Variants in C12orf42 observed in about 807,000 individuals in gnomAD.
C12orf42 encodes chromosome 12 open reading frame 42.
Under a neutral mutation model 21.6 loss-of-function variants are expected in C12orf42, and 25 were observed. The observed-to-expected ratio is 1.16, with a 90% CI of 0.84 to 1.62. The LOEUF is 1.62. Among genes scored for constraint, C12orf42 ranks in the 40% most tolerant of loss-of-function variants. The pLI is 0.00. For missense variants in C12orf42, 483 were observed against 459.3 expected (o/e 1.05, Z -0.47); for synonymous variants, 174 against 175.0 (o/e 0.99, Z 0.05).
the C12orf42 span, among the ~76,000 whole-genome samples, chr12:103,154,025 C>CAAAA: frequency 0.011 from 579 of 51,010 alleles, 2 homozygotes; most frequent in Non-Finnish European, 0.015. Context: ...CAAATCTCAG[C>CAAAA]AAAAAAAAAA....
chr12:103,531,360 T>C, the C12orf42 span, among the ~76,000 whole-genome samples: 1 of 152,334 alleles, frequency 6.6e-6, no homozygotes, highest in African/African-American at 2.4e-5. Context: ...ATTGTGCATG[T>C]GGTAAGAAAG....
intron 10 of C12orf42, among the ~76,000 whole-genome samples, chr12:103,255,130 T>C (rs2034496812): frequency 6.6e-6 from 1 of 152,110 alleles, no homozygotes; most frequent in South Asian, 2.1e-4. Context: ...CCCAGCACTT[T>C]GGGAGGCTAA....
rs377065503 is a variant in C12orf42 at position 103,359,737 on chromosome 12, TTTAG to T, written c.259+9146_259+9149del. 5.7e-3 allele frequency among the ~76,000 whole-genome samples: 862 copies of T among 152,116 alleles called. 5 individuals are homozygous for T. Among genetic ancestry groups the T allele is most frequent in the African/African-American group, 0.018 (750 of 41,538 alleles). ...CTGTAATAATCTTGCTTATTTATTA[TTTAG>T]TTATTAATTGTTGCCTTCCTCAAAA... On this transcript the variant is annotated intron_variant, in intron 4 of 5. Transcript: ENST00000548883.
rs560262865 is a variant in C12orf42 at position 103,275,792 on chromosome 12, T to A, written n.398+1358A>T. ...AAACAAGACAGACAAACTTTTTTTT[T>A]AAAATCCATTTCATTGGCTGGGCAC... On this transcript the variant is annotated intron_variant and non_coding_transcript_variant, in intron 5 of 6. Transcript: ENST00000546526. Among the ~76,000 whole-genome samples, 575 of 152,114 alleles carry A rather than the reference T, an allele frequency of 3.8e-3. 1 individual carries two copies. The highest frequency in any genetic ancestry group is 6.3e-3 in the Non-Finnish European group (431 of 67,982).
intron 2 of C12orf42, among the ~76,000 whole-genome samples, chr12:103,422,450 AG>A (rs2139147095): frequency 6.6e-6 from 1 of 152,354 alleles, no homozygotes; most frequent in Non-Finnish European, 1.5e-5. Flanking sequence ...CACACGCCAC[AG>A]AGGAAAAGTG....
In C12orf42 at chr12:103,374,492, T is replaced by C. The variant is rs183006693; in HGVS notation, c.148-5494A>G. ...GAATTACTTCTCTGGTAAGCTAGCT[T>C]GAGCTGGATAAGCTGTAATTTCTTG... On this transcript the variant is annotated intron_variant, in intron 3 of 5. Coordinates refer to ENST00000548883, the MANE Select transcript of C12orf42 (RefSeq NM_198521.5). Among the ~76,000 whole-genome samples, 17 of 152,272 alleles carry C rather than the reference T, an allele frequency of 1.1e-4. 1 individual carries two copies. Among genetic ancestry groups the C allele is most frequent in the Non-Finnish European group, 4.4e-5 (3 of 68,018 alleles).
the C12orf42 span, among the ~76,000 whole-genome samples, chr12:103,131,908 G>A: frequency 9.8e-4 from 149 of 152,198 alleles, no homozygotes; most frequent in African/African-American, 3.5e-3. Context: ...TGATGGTAGT[G>A]GTAGCGAAGG....
the C12orf42 span, among the ~76,000 whole-genome samples, chr12:103,125,447 A>G: frequency 3.9e-5 from 6 of 152,198 alleles, no homozygotes; most frequent in African/African-American, 1.4e-4. Flanking sequence ...TGCAAGAACA[A>G]TTGAAGAATG....
the C12orf42 span, among the ~76,000 whole-genome samples, chr12:103,097,836 T>C: frequency 3.9e-5 from 6 of 152,208 alleles, no homozygotes; most frequent in African/African-American, 1.4e-4. Flanking sequence ...CATTCCCCAC[T>C]CATGCGGATG....
chr12:103,117,991 T>G, the C12orf42 span, among the ~76,000 whole-genome samples: 1 of 152,240 alleles, frequency 6.6e-6, no homozygotes, highest in Non-Finnish European at 1.5e-5. Flanking sequence ...TTATGAATTA[T>G]AAATCAAAGA....
At chr12:103,160,389 C>T in the C12orf42 span, among the ~76,000 whole-genome samples, 3 of 152,300 alleles carry the variant, frequency 2.0e-5, no homozygotes, top group South Asian at 6.2e-4. Context: ...AGGAATTACC[C>T]TGTTCTCTAA....
chr12:103,271,299 A>G (rs893077842), intron 5 of C12orf42, among the ~76,000 whole-genome samples: 6 of 152,218 alleles, frequency 3.9e-5, no homozygotes, highest in African/African-American at 1.4e-4. Flanking sequence ...CCACTATGAA[A>G]TAATTGTCTT....
chr12:103,187,950 G>A, the C12orf42 span, among the ~76,000 whole-genome samples: 1 of 152,186 alleles, frequency 6.6e-6, no homozygotes, highest in Non-Finnish European at 1.5e-5. Flanking sequence ...AAATAGGCAG[G>A]CAGGGAAACA....
the C12orf42 span, among the ~76,000 whole-genome samples, chr12:103,219,693 A>C: frequency 3.9e-5 from 6 of 152,232 alleles, no homozygotes; most frequent in African/African-American, 1.4e-4. Flanking sequence ...GAGAAATGCA[A>C]ATCAAAACCA....
chr12:103,437,783 A>G (rs577804870), intron 2 of C12orf42, among the ~76,000 whole-genome samples: 1 of 144,180 alleles, frequency 6.9e-6, no homozygotes, highest in South Asian at 2.3e-4. Flanking sequence ...AACCAAAAAA[A>G]AAGTCCAGAC....
chr12:103,150,811 C>A, the C12orf42 span, among the ~76,000 whole-genome samples: 12 of 152,192 alleles, frequency 7.9e-5, no homozygotes, highest in Non-Finnish European at 1.6e-4. Flanking sequence ...TATCTGAGTT[C>A]TTCTCTTTTG....
At chr12:103,535,978 G>A in the C12orf42 span, among the ~76,000 whole-genome samples, 3 of 152,200 alleles carry the variant, frequency 2.0e-5, no homozygotes, top group South Asian at 4.2e-4. Context: ...ATGCTCTCTC[G>A]CTATGTTGCC....
chr12:103,283,279 T>A (rs1566017231), intron 4 of C12orf42, among the ~76,000 whole-genome samples: 2 of 152,154 alleles, frequency 1.3e-5, no homozygotes, highest in Non-Finnish European at 2.9e-5. Context: ...AATCCATTTG[T>A]CCATTTCTAC....
the C12orf42 span, among the ~76,000 whole-genome samples, chr12:103,065,390 G>A: frequency 2.4e-4 from 37 of 152,300 alleles, no homozygotes; most frequent in African/African-American, 8.7e-4. Flanking sequence ...CTCCATTCCT[G>A]TCCATAAGGC....
Sources: allele counts gnomAD v4.1 joint callset (sites outside exome capture counted in the v4.1 genomes callset), GRCh38; gene constraint gnomAD v4.1.1; transcripts MANE v1.5; gene names NCBI Gene and HGNC (gene_info 2026-07-23, HGNC 2026-07-21).